CRK: variants seen among roughly 807,000 people sequenced by gnomAD.
The protein encoded by CRK is CRK proto-oncogene, adaptor protein, also known as adapter molecule crk.
CRK carries 4 observed loss-of-function variants against 29.8 expected under a neutral mutation model. That is an observed-to-expected ratio of 0.13 (90% CI 0.07 to 0.31). CRK has a LOEUF of 0.31. Ranked by LOEUF, CRK falls within the 10% of genes least tolerant of loss-of-function variation. CRK has a pLI of 1.00. For synonymous variants in CRK, 153 were observed against 164.9 expected, an observed-to-expected ratio of 0.93 and a Z score of 0.55; for missense variants, 274 against 396.5, an observed-to-expected ratio of 0.69 and a Z score of 2.62.
At chr17:1,441,297 G>A (rs1018112293) in intron 1 of CRK, among the ~76,000 whole-genome samples, 1 of 151,912 alleles carries the variant, frequency 6.6e-6, no homozygotes, top group Admixed American at 6.6e-5. Context: ...TGGGTCCAGC[G>A]ATCCTCTCAC....
chr17:1,430,374 T>TG (rs1405561841), intron 2 of CRK, among the ~76,000 whole-genome samples: 1 of 141,220 alleles, frequency 7.1e-6, no homozygotes, highest in Non-Finnish European at 1.5e-5. Context: ...TATTATTTTT[T>TG]GAGACAGAGT....
intron 1 of CRK, among the ~76,000 whole-genome samples, chr17:1,453,871 G>A (rs917885504): frequency 1.3e-5 from 2 of 151,726 alleles, no homozygotes; most frequent in African/African-American, 2.4e-5. Context: ...TTGCACCATC[G>A]CACTCCAGCC....
At chr17:1,436,011 G>A (rs2073883656) in intron 2 of CRK, among the ~76,000 whole-genome samples, 1 of 152,232 alleles carries the variant, frequency 6.6e-6, no homozygotes, top group African/African-American at 2.4e-5. Context: ...ATCAGTAAAG[G>A]CAAAAATTAA....
chr17:1,444,147 G>C (rs2073956097), intron 1 of CRK, among the ~76,000 whole-genome samples: 1 of 151,950 alleles, frequency 6.6e-6, no homozygotes, highest in South Asian at 2.1e-4. Flanking sequence ...TTAATTTTGA[G>C]AGCAGGTTTT....
At chr17:1,425,786 C>G (rs1598291944) in intron 2 of CRK, among the ~76,000 whole-genome samples, 1 of 152,142 alleles carries the variant, frequency 6.6e-6, no homozygotes, top group Admixed American at 6.6e-5. Context: ...CTGAAGAACT[C>G]TCTAAAAATT....
chr17:1,427,171 G>C (rs1347927542), intron 2 of CRK, among the ~76,000 whole-genome samples: 5 of 148,736 alleles, frequency 3.4e-5, no homozygotes, highest in African/African-American at 1.2e-4. Context: ...TGCACCTGTA[G>C]TTCCAGTTAC....
Position 1,428,159 on chromosome 17 carries a change from C to G in CRK, c.778-4509G>C, listed in dbSNP as rs545488593. On this transcript the variant is annotated intron_variant, in intron 2 of 2. Transcript: ENST00000300574. ...TTTAATGGAGTTTTTGCTCTTGTCA[C>G]CCAGGCTGGAGTGCAGTGGTACGAT... 2.7e-4 allele frequency among the ~76,000 whole-genome samples: 41 copies of G among 151,016 alleles called. 1 individual carries two copies. In the East Asian group the frequency reaches 7.0e-3, roughly 26 times the overall value.
intron 2 of CRK, among the ~76,000 whole-genome samples, chr17:1,426,758 G>A (rs371402052): frequency 2.6e-5 from 4 of 152,060 alleles, no homozygotes; most frequent in Non-Finnish European, 4.4e-5. Flanking sequence ...AGCTACTTGC[G>A]AGGCTGAGGC....
intron 2 of CRK, among the ~76,000 whole-genome samples, chr17:1,423,993 C>T (rs565729649): frequency 6.6e-5 from 10 of 152,062 alleles, no homozygotes; most frequent in African/African-American, 2.4e-4. Flanking sequence ...GCTACTATTC[C>T]CTTTCTTTGT....
At position 1,423,553 on chromosome 17, in the gene CRK, C is replaced by T. The variant is rs761704148; in HGVS notation, c.875G>A (p.Arg292His). 1.2e-5 allele frequency: 20 copies of T among 1,613,984 alleles called. No individual in the cohort carries two copies. The highest frequency in any genetic ancestry group is 3.3e-4 in the Middle Eastern group (2 of 6,084). ...KRGHFPFTHV[R>H]LLDQQNPDED... ...ATCGGGATTCTGTTGATCCAGCAGA[C>T]GGACATGTGTGAATGGGAAGTGACC... The change falls in exon 3 of 3, where the codon CGT becomes CAT. Residue 292 changes from arginine (R) to histidine (H), a missense_variant. Transcript: ENST00000300574.
At chr17:1,437,405 A>T (rs527292310) in intron 1 of CRK, among the ~76,000 whole-genome samples, 1 of 151,770 alleles carries the variant, frequency 6.6e-6, no homozygotes, top group East Asian at 1.9e-4. Flanking sequence ...TTTAATCAGC[A>T]AAAAAAACTC....
intron 1 of CRK, 119 bp from the exon 2 acceptor site, chr17:1,437,274 C>T: frequency 2.7e-6 from 3 of 1,105,808 alleles, no homozygotes; most frequent in Non-Finnish European, 2.5e-6. Flanking sequence ...CTGGTCTTGA[C>T]CTCCGGGGCT....
intron 1 of CRK, among the ~76,000 whole-genome samples, chr17:1,437,926 A>G (rs2073900146): frequency 6.7e-6 from 1 of 150,054 alleles, no homozygotes; most frequent in African/African-American, 2.5e-5. Context: ...TCAGCCTCCC[A>G]AAGTGCTGGG....
chr17:1,450,527 AC>A lies in CRK; in HGVS notation c.241+5349del, dbSNP rs201985186. ...ATTCTGTCTCAAAAAAAGAAAAAAAACACATAAAAATGACACCTAAGCCATT... is the reference window on the plus strand; with the variant it reads ...ATTCTGTCTCAAAAAAAGAAAAAAAAACATAAAAATGACACCTAAGCCATT... On this transcript the variant is annotated intron_variant, in intron 1 of 2. Transcript: ENST00000300574. Among the ~76,000 whole-genome samples the A allele has an allele frequency of 6.2e-4, 94 of 152,052 alleles. 1 individual carries two copies. The highest frequency in any genetic ancestry group is 4.3e-4 in the Non-Finnish European group (29 of 67,996).
chr17:1,422,730 C>T lies in CRK; in HGVS notation c.*783G>A, dbSNP rs549397331. On this transcript the variant is annotated 3_prime_UTR_variant, in exon 3 of 3. Coordinates refer to ENST00000300574, the MANE Select transcript of CRK (RefSeq NM_016823.4). ...GCTGCTGTAGAAGGGTGACCTACTA[C>T]GACCCTTTTGGGGAAGGCAGAGAGC... 7 of 387,480 alleles carry T rather than the reference C, an allele frequency of 1.8e-5. No individual in the cohort carries two copies. Among genetic ancestry groups the T allele is most frequent in the South Asian group, 2.9e-4 (2 of 6,902 alleles). 24.0% of individuals were successfully genotyped at this position (387,480 alleles called of 1,614,324 possible).
At chr17:1,438,027 C>A (rs1462097551) in intron 1 of CRK, among the ~76,000 whole-genome samples, 1 of 152,052 alleles carries the variant, frequency 6.6e-6, no homozygotes, top group East Asian at 1.9e-4. Flanking sequence ...GTCCCTGCTG[C>A]TGTTCAGAAG....
At chr17:1,452,255 GATC>G (rs2074023476) in intron 1 of CRK, among the ~76,000 whole-genome samples, 1 of 152,150 alleles carries the variant, frequency 6.6e-6, no homozygotes, top group Non-Finnish European at 1.5e-5. Context: ...AATAAATGGA[GATC>G]ATATTACTTA....
chr17:1,447,921 T>C (rs1359647866), intron 1 of CRK, among the ~76,000 whole-genome samples: 2 of 152,042 alleles, frequency 1.3e-5, no homozygotes, highest in Non-Finnish European at 2.9e-5. Context: ...CCGGCCCTCT[T>C]TTCCCTTTTT....
At chr17:1,454,829 C>A (rs11657524) in intron 1 of CRK, among the ~76,000 whole-genome samples, 1 of 151,920 alleles carries the variant, frequency 6.6e-6, no homozygotes, top group Non-Finnish European at 1.5e-5. Context: ...GGGCATCTAT[C>A]TATTCCCTTA....
Sources: gnomAD v4.1 joint callset for allele counts (sites outside exome capture counted in the v4.1 genomes callset) on GRCh38, gnomAD v4.1.1 for gene constraint, MANE v1.5 for transcripts, NCBI Gene and HGNC (gene_info 2026-07-23, HGNC 2026-07-21) for gene names.